Variants in TLK2 observed in about 807,000 individuals in gnomAD.
The protein encoded by TLK2 is serine/threonine-protein kinase tousled-like 2.
TLK2 carries 6 observed loss-of-function variants against 117.3 expected under a neutral mutation model. That is an observed-to-expected ratio of 0.05 (90% CI 0.03 to 0.10). TLK2 has a LOEUF of 0.10. Ranked by LOEUF, TLK2 falls within the 10% of genes least tolerant of loss-of-function variation. The pLI is 1.00. For synonymous variants in TLK2, 257 were observed against 316.7 expected, an observed-to-expected ratio of 0.81 and a Z score of 2.00; for missense variants, 299 against 901.2, an observed-to-expected ratio of 0.33 and a Z score of 8.56.
intron 7 of TLK2, among the ~76,000 whole-genome samples, chr17:62,543,652 A>G (rs771027851): frequency 4.6e-5 from 7 of 152,174 alleles, no homozygotes; most frequent in Admixed American, 3.9e-4. Flanking sequence ...AGAGATCACT[A>G]TTCAAATCCT....
chr17:62,560,167 A>G (rs2079150206), intron 10 of TLK2, 41 bp downstream of exon 10: 2 of 1,342,128 alleles, frequency 1.5e-6, no homozygotes, highest in Non-Finnish European at 2.1e-6. Flanking sequence ...ATCCCAAGAT[A>G]CTCAATGTGT....
intron 7 of TLK2, among the ~76,000 whole-genome samples, chr17:62,548,009 G>T (rs1279206383): frequency 2.6e-5 from 4 of 152,094 alleles, no homozygotes; most frequent in Non-Finnish European, 4.4e-5. Flanking sequence ...TGCATTATGG[G>T]TAATTAAAGT....
At chr17:62,499,350 G>A (rs1288096069) in intron 2 of TLK2, among the ~76,000 whole-genome samples, 1 of 150,966 alleles carries the variant, frequency 6.6e-6, no homozygotes, top group African/African-American at 2.4e-5. Flanking sequence ...AAAAAAAAAA[G>A]GACGGTGTTT....
chr17:62,574,146 A>G (rs2080550877), intron 12 of TLK2, among the ~76,000 whole-genome samples: 1 of 152,236 alleles, frequency 6.6e-6, no homozygotes, highest in Admixed American at 6.5e-5. Flanking sequence ...AAAACAACAC[A>G]TAATCCACTT....
At chr17:62,590,724 C>T (rs1281703355) in intron 16 of TLK2, among the ~76,000 whole-genome samples, 1 of 152,172 alleles carries the variant, frequency 6.6e-6, no homozygotes, top group Non-Finnish European at 1.5e-5. Context: ...AGCAATCTTC[C>T]CACTTCAGCC....
intron 15 of TLK2, among the ~76,000 whole-genome samples, chr17:62,584,107 G>GTTTT (rs572000997): frequency 2.2e-3 from 171 of 78,474 alleles, no homozygotes; most frequent in Non-Finnish European, 3.0e-3. Context: ...TTCTTTTGTG[G>GTTTT]TTTTTTTTTT....
intron 16 of TLK2, among the ~76,000 whole-genome samples, chr17:62,595,740 ATAAAG>A (rs1378457094): frequency 6.6e-6 from 1 of 152,190 alleles, no homozygotes; most frequent in Non-Finnish European, 1.5e-5. Flanking sequence ...TTTTATTAGA[ATAAAG>A]TAAAGCTAAT....
At chr17:62,566,230 T>C (rs971586182) in intron 11 of TLK2, among the ~76,000 whole-genome samples, 1 of 152,162 alleles carries the variant, frequency 6.6e-6, no homozygotes, top group East Asian at 1.9e-4. Context: ...GAAGGGTCTA[T>C]AGACTGCCTT....
rs763775154 is a variant in TLK2, at chr17:62,580,092, A to G, written c.1287-19A>G. 3.7e-5 allele frequency: 59 copies of G among 1,608,096 alleles called. No homozygotes were observed. The highest frequency in any genetic ancestry group is 1.1e-4 in the East Asian group (5 of 44,786). ...GTAGTCCATGATCTCAGGGTGTTAC[A>G]TGTTCCCTGTTTCCACAGATTTAAA... On this transcript the variant is annotated intron_variant, in intron 14 of 21. Coordinates refer to ENST00000346027, the MANE Select transcript of TLK2 (RefSeq NM_006852.6).
At chr17:62,510,319 G>T (rs8064406) in intron 2 of TLK2, among the ~76,000 whole-genome samples, 2,095 of 152,262 alleles carry the variant, frequency 0.014, 52 homozygotes, top group African/African-American at 0.047. Context: ...AGCACCTACA[G>T]ACTAAGTATG....
rs965983867 is a variant in TLK2 at position 62,548,483 on chromosome 17, A to G, written c.532-3819A>G. Among the ~76,000 whole-genome samples the G allele has an allele frequency of 2.6e-5, 4 of 151,864 alleles. No individual in the cohort carries two copies. The South Asian group carries it at 6.2e-4, about 24-fold the overall frequency. Reference sequence around the variant, plus strand: ...TTTTTAGTAGAGACGAGGTTTCACCATATTGGCCAGGCTGGTCTTGAACTC... The same window carrying G: ...TTTTTAGTAGAGACGAGGTTTCACCGTATTGGCCAGGCTGGTCTTGAACTC... On this transcript the variant is annotated intron_variant, in intron 7 of 21. Coordinates refer to ENST00000346027, the MANE Select transcript of TLK2 (RefSeq NM_006852.6).
chr17:62,573,235 C>T lies in TLK2; in HGVS notation c.989C>T (p.Ser330Leu). 4 of 1,613,194 alleles carry T rather than the reference C, an allele frequency of 2.5e-6. No homozygotes were observed. In the South Asian group the frequency reaches 4.4e-5, roughly 18 times the overall value. Residue 330 changes from serine (S) to leucine (L), a missense_variant, in exon 12 of 22, where the codon TCA becomes TTA. By Grantham distance (145) the Ser-to-Leu change is moderately radical (BLOSUM62 -2). Around this residue, in one of 4 missense-constraint regions of TLK2, gnomAD observed 94 missense variants for 282.6 expected, o/e 0.33. Coordinates refer to ENST00000346027, the MANE Select transcript of TLK2 (RefSeq NM_006852.6). The stretch of plus-strand genomic sequence containing the variant: ...TCTAGGCAACAGGAAAGGATAAATT[C>T]ACAGAGGGAAGAGATAGAAAGACAA... Reference protein sequence around the residue: ...NLIKQQERINSQREEIERQRK... With the variant: ...NLIKQQERINLQREEIERQRK...
intron 6 of TLK2, among the ~76,000 whole-genome samples, chr17:62,531,828 C>T (rs1185513185): frequency 6.6e-6 from 1 of 152,132 alleles, no homozygotes; most frequent in Non-Finnish European, 1.5e-5. Flanking sequence ...TCAAGACAAC[C>T]CCCAACTCTT....
At chr17:62,575,656 A>C (rs976930534) in intron 12 of TLK2, among the ~76,000 whole-genome samples, 6 of 151,138 alleles carry the variant, frequency 4.0e-5, no homozygotes, top group Non-Finnish European at 7.4e-5. Flanking sequence ...TTTTTCTTTT[A>C]TTTTCTTTCT....
chr17:62,592,610 T>C (rs1273387558), intron 16 of TLK2, among the ~76,000 whole-genome samples: 1 of 152,210 alleles, frequency 6.6e-6, no homozygotes, highest in African/African-American at 2.4e-5. Context: ...TACTGAATAC[T>C]GTAGGCCAGT....
intron 6 of TLK2, among the ~76,000 whole-genome samples, chr17:62,528,362 A>G (rs1190053895): frequency 1.3e-5 from 2 of 152,226 alleles, no homozygotes; most frequent in Admixed American, 1.3e-4. Context: ...GGCAAAAGAC[A>G]GGTCACAGCT....
intron 3 of TLK2, among the ~76,000 whole-genome samples, chr17:62,521,071 G>C (rs1487732849): frequency 6.6e-6 from 1 of 152,146 alleles, no homozygotes; most frequent in Non-Finnish European, 1.5e-5. Context: ...GAGGTCGGAG[G>C]ATCGTTTGCA....
At chr17:62,499,207 G>GGT (rs1334127796) in intron 2 of TLK2, among the ~76,000 whole-genome samples, 1 of 151,948 alleles carries the variant, frequency 6.6e-6, no homozygotes, top group Non-Finnish European at 1.5e-5. Context: ...TGGGCTTGTT[G>GGT]GTGTGCGCTT....
At chr17:62,515,682 TTTG>T (rs1415977277) in intron 2 of TLK2, among the ~76,000 whole-genome samples, 10 of 152,156 alleles carry the variant, frequency 6.6e-5, no homozygotes, top group African/African-American at 2.4e-4. Context: ...GGTTGTTTAT[TTTG>T]TTGTTGTTGA....
Sources: gnomAD v4.1 joint callset for allele counts (sites outside exome capture counted in the v4.1 genomes callset) on GRCh38, gnomAD v4.1.1 for gene constraint, gnomAD v4.1.1 regional missense constraint, MANE v1.5 for transcripts, NCBI Gene and HGNC (gene_info 2026-07-23, HGNC 2026-07-21) for gene names.